The following TMOD3 variants were observed in gnomAD, a reference collection of about 807,000 sequenced individuals.
The protein encoded by TMOD3 is tropomodulin 3, also known as tropomodulin-3.
A neutral mutation model predicts 39.2 loss-of-function variants in TMOD3; 20 were observed. The observed-to-expected ratio is 0.51, with a 90% confidence interval of 0.36 to 0.74. The LOEUF is 0.74. Ranked by LOEUF, TMOD3 falls within the 30% of genes least tolerant of loss-of-function variation. The probability of loss-of-function intolerance (pLI) is 0.00; values close to 1 mark genes in which losing one functional copy is unlikely to be tolerated. For missense variants in TMOD3, 381 were observed against 412.8 expected, an observed-to-expected ratio of 0.92 and a Z score of 0.67; for synonymous variants, 143 against 145.8, an observed-to-expected ratio of 0.98 and a Z score of 0.14.
At position 51,911,611 on chromosome 15, in the gene TMOD3, A is replaced by C. The variant is rs1035180286; in HGVS notation, c.*2801A>C. 9 of 152,208 alleles carry C rather than the reference A, an allele frequency of 5.9e-5. No individual in the cohort carries two copies. Among genetic ancestry groups the C allele is most frequent in the African/African-American group, 2.2e-4 (9 of 41,460 alleles). 9.4% of individuals were successfully genotyped at this position (152,208 alleles called of 1,614,324 possible). A position where few individuals can be genotyped will look rare whatever the true frequency, so the allele number is the denominator to read the frequency against. On this transcript the variant is annotated 3_prime_UTR_variant, in exon 10 of 10. Transcript: ENST00000308580. ...AGACCTTAGGTTTTGTAGTCTAACC[A>C]GCTTATGTGGTTATTTAAAAGAATA...
At chr15:51,893,432 A>G (rs1310020609) in intron 5 of TMOD3, among the ~76,000 whole-genome samples, 1 of 151,870 alleles carries the variant, frequency 6.6e-6, no homozygotes, top group African/African-American at 2.4e-5. Flanking sequence ...GAGAGAGAGA[A>G]AGAGATGTTA....
Position 51,863,752 on chromosome 15 carries a change from C to G in TMOD3, c.126+742C>G, listed in dbSNP as rs115750714. Among the ~76,000 whole-genome samples, 597 of 152,260 alleles carry G rather than the reference C, an allele frequency of 3.9e-3. 6 individuals are homozygous for G. The highest frequency in any genetic ancestry group is 0.014 in the African/African-American group (581 of 41,534). ...CCAAGACGTTGATTTTAAGTATCCT[C>G]TAAGGACTGAGATGGAGTTCATTTT... On this transcript the variant is annotated intron_variant, in intron 2 of 9. Transcript: ENST00000308580.
At chr15:51,879,311 T>C (rs894059721) in intron 3 of TMOD3, among the ~76,000 whole-genome samples, 3 of 152,092 alleles carry the variant, frequency 2.0e-5, no homozygotes, top group Non-Finnish European at 2.9e-5. Flanking sequence ...TTGTTTTGTG[T>C]AACTTGGGGG....
Position 51,915,579 on chromosome 15 carries a change from C to T in TMOD3, c.*6769C>T, listed in dbSNP as rs1197115186. 1 of 152,074 alleles carries T rather than the reference C, an allele frequency of 6.6e-6. No homozygotes were observed. The highest frequency in any genetic ancestry group is 1.5e-5 in the Non-Finnish European group (1 of 68,020). 9.4% of individuals were successfully genotyped at this position (152,074 alleles called of 1,614,324 possible). ...AGTATAAAAGCAATGAATTTTAACA[C>T]TGGTATTTAAATAATACAAAATATT... is the stretch of plus-strand genomic sequence containing the variant. On this transcript the variant is annotated 3_prime_UTR_variant, in exon 10 of 10. Transcript: ENST00000308580.
At position 51,911,734 on chromosome 15, in the gene TMOD3, T is replaced by C. The variant is rs2056712855; in HGVS notation, c.*2924T>C. On this transcript the variant is annotated 3_prime_UTR_variant, in exon 10 of 10. Coordinates refer to ENST00000308580, the MANE Select transcript of TMOD3 (RefSeq NM_014547.5). ...TTTGTCTGAATTTTTCCAGTATTCC[T>C]ACATGAAATTGTATGTATTAAAAAC... 6.6e-6 allele frequency: 1 copy of C among 152,240 alleles called. No individual in the cohort carries two copies. The highest frequency in any genetic ancestry group is 2.4e-5 in the African/African-American group (1 of 41,466). The allele number at this position is 152,240 out of a possible 1,614,324, so 9.4% of individuals were successfully genotyped here. A position where few individuals can be genotyped will look rare whatever the true frequency, so the allele number is the denominator to read the frequency against.
intron 1 of TMOD3, among the ~76,000 whole-genome samples, chr15:51,851,558 A>G (rs1311912280): frequency 6.6e-6 from 1 of 152,196 alleles, no homozygotes; most frequent in African/African-American, 2.4e-5. Context: ...ATAAACTGTC[A>G]TATTAGGACC....
At chr15:51,900,323 C>T (rs779658081) in intron 8 of TMOD3, 25 bp downstream of exon 8, 16 of 1,612,726 alleles carry the variant, frequency 9.9e-6, no homozygotes, top group Admixed American at 1.7e-5. Flanking sequence ...ATAATAACGT[C>T]GAGGAAGCTA....
intron 1 of TMOD3, chr15:51,860,738 C>G: frequency 7.9e-6 from 3 of 378,918 alleles, no homozygotes; most frequent in Non-Finnish European, 1.5e-5. Context: ...GAGTTGGAGA[C>G]CAGCCTGACC....
At chr15:51,906,329 C>T (rs1301055089) in intron 9 of TMOD3, among the ~76,000 whole-genome samples, 2 of 152,164 alleles carry the variant, frequency 1.3e-5, no homozygotes, top group Admixed American at 6.5e-5. Context: ...TGTACAGAAT[C>T]TCCTGGGCAT....
At chr15:51,892,916 T>C (rs1160083880) in intron 5 of TMOD3, among the ~76,000 whole-genome samples, 1 of 152,238 alleles carries the variant, frequency 6.6e-6, no homozygotes, top group African/African-American at 2.4e-5. Flanking sequence ...AAAATATTCA[T>C]TTTTGAAGAC....
At chr15:51,879,032 C>G (rs2056519332) in intron 3 of TMOD3, among the ~76,000 whole-genome samples, 2 of 152,128 alleles carry the variant, frequency 1.3e-5, no homozygotes, top group African/African-American at 2.4e-5. Flanking sequence ...GAGATAAGGA[C>G]TAGTAAAGAA....
At chr15:51,906,090 A>C (rs2056679234) in intron 9 of TMOD3, among the ~76,000 whole-genome samples, 1 of 152,092 alleles carries the variant, frequency 6.6e-6, no homozygotes, top group South Asian at 2.1e-4. Context: ...ACCAGGTGAG[A>C]AAGAGGGGTC....
At position 51,913,321 on chromosome 15, in the gene TMOD3, C is replaced by T. The variant is rs914055405; in HGVS notation, c.*4511C>T. 2 of 152,156 alleles carry T rather than the reference C, an allele frequency of 1.3e-5. No individual in the cohort carries two copies. Among genetic ancestry groups the T allele is most frequent in the Non-Finnish European group, 2.9e-5 (2 of 68,026 alleles). The allele number at this position is 152,156 out of a possible 1,614,324, so 9.4% of individuals were successfully genotyped here. A position where few individuals can be genotyped will look rare whatever the true frequency, so the allele number is the denominator to read the frequency against. On this transcript the variant is annotated 3_prime_UTR_variant, in exon 10 of 10. Transcript: ENST00000308580. ...ATTCTTAGATCTACAGATTGAACAT[C>T]CCTAATTGAAAACTTTTTGAGTACT...
chr15:51,896,406 A>G lies in TMOD3; in HGVS notation c.628-13A>G, dbSNP rs200776431. On this transcript the variant is annotated splice_polypyrimidine_tract_variant and intron_variant, in intron 6 of 9. Transcript: ENST00000308580. ...TTGAAATGTAATGATGTTTTATGTT[A>G]TTGTCTTTCAAGAATATCCCAATTC... 1.3e-6 allele frequency: 2 copies of G among 1,549,656 alleles called. No individual in the cohort carries two copies. Among genetic ancestry groups the G allele is most frequent in the East Asian group, 2.2e-5 (1 of 44,498 alleles).
intron 4 of TMOD3, among the ~76,000 whole-genome samples, 160 bp from the exon 5 acceptor site, chr15:51,888,896 G>T (rs1207277101): frequency 6.6e-6 from 1 of 152,122 alleles, no homozygotes; most frequent in Non-Finnish European, 1.5e-5. Context: ...AGGAGAATGA[G>T]ATTATAGGTG....
chr15:51,860,412 T>G, intron 1 of TMOD3: 1 of 548,226 alleles, frequency 1.8e-6, no homozygotes. Context: ...CTTCCTCAGT[T>G]TTTCAGCATG....
rs576671356 is a variant in TMOD3 at position 51,869,933 on chromosome 15, T to G, written c.283+560T>G. On this transcript the variant is annotated intron_variant, in intron 3 of 9. Transcript: ENST00000308580. ...AGCCTGAGTACGGCTGTGGTTGTTT[T>G]TTTGTTTGTTTGTTTGTTTGTTTGA... Among the ~76,000 whole-genome samples the G allele has an allele frequency of 3.3e-5, 5 of 152,170 alleles. No homozygotes were observed. The South Asian group carries it at 6.2e-4, about 19-fold the overall frequency.
chr15:51,869,436 T>A, intron 3 of TMOD3, 63 bp downstream of exon 3: 1 of 1,511,270 alleles, frequency 6.6e-7, no homozygotes. Flanking sequence ...TATAGGTGGG[T>A]GTGGAGAAAA....
chr15:51,896,347 A>G, intron 6 of TMOD3, 72 bp from the exon 7 acceptor site: 1 of 1,098,640 alleles, frequency 9.1e-7, no homozygotes, highest in Non-Finnish European at 1.3e-6. Context: ...AAAAAACCAT[A>G]TATTTGATTA....
Sources: allele counts gnomAD v4.1 joint callset (sites outside exome capture counted in the v4.1 genomes callset), GRCh38; gene constraint gnomAD v4.1.1; transcripts MANE v1.5; gene names NCBI Gene and HGNC (gene_info 2026-07-23, HGNC 2026-07-21).